Variants in IWS1 observed in about 807,000 individuals in gnomAD.
IWS1 encodes interacts with SUPT6H, CTD assembly factor 1, also known as protein IWS1 homolog.
IWS1 carries 27 observed loss-of-function variants against 86.7 expected under a neutral mutation model. The ratio of observed to expected loss-of-function variants is 0.31; its 90% CI spans 0.23 to 0.43. The LOEUF is 0.43. Ranked by LOEUF, IWS1 falls within the 20% of genes least tolerant of loss-of-function variation. The pLI is 1.00. For synonymous variants in IWS1, 313 were observed against 335.1 expected, an observed-to-expected ratio of 0.93 and a Z score of 0.72; for missense variants, 827 against 1,000.8, an observed-to-expected ratio of 0.83 and a Z score of 2.34.
intron 2 of IWS1, among the ~76,000 whole-genome samples, chr2:127,522,288 T>C (rs1043194639): frequency 2.6e-5 from 4 of 152,210 alleles, no homozygotes; most frequent in Non-Finnish European, 5.9e-5. Flanking sequence ...CTTCACACCT[T>C]GGTTCAAATG....
chr2:127,495,792 T>C (rs548195898), intron 7 of IWS1, among the ~76,000 whole-genome samples: 2 of 152,244 alleles, frequency 1.3e-5, no homozygotes, highest in Non-Finnish European at 2.9e-5. Context: ...ACGTTTCATT[T>C]TACTGAATAC....
chr2:127,522,751 C>T lies in IWS1; in HGVS notation c.150+925G>A, dbSNP rs115582518. 6.9e-3 allele frequency among the ~76,000 whole-genome samples: 1,053 copies of T among 152,254 alleles called. 8 individuals are homozygous for T. The highest frequency in any genetic ancestry group is 0.02 in the African/African-American group (838 of 41,530). On this transcript the variant is annotated intron_variant, in intron 2 of 13. Coordinates refer to ENST00000295321, the MANE Select transcript of IWS1 (RefSeq NM_017969.3). ...TTCAGTCGTATCTACCAAAGACTTA[C>T]GGCGAACTTATTGAAAAATTTCCCA...
At chr2:127,523,817 A>G in intron 1 of IWS1, 26 bp from the exon 2 acceptor site, 1 of 1,474,924 alleles carries the variant, frequency 6.8e-7, no homozygotes, top group South Asian at 1.2e-5. Context: ...ACAAAAACCA[A>G]CTTATGGTGT....
chr2:127,496,034 C>T lies in IWS1; in HGVS notation c.1680G>A (p.Val560=). The part of the protein sequence containing the change: ...GTFISDADDV[V]SAMIVKMNEA... Reference sequence around the variant, plus strand: ...CATTCATCTTGACGATCATGGCACTCACGACGTCGTCTGCATCACTAATAA... The same window carrying T: ...CATTCATCTTGACGATCATGGCACTTACGACGTCGTCTGCATCACTAATAA... The change falls in exon 7 of 14, where the codon GTG becomes GTA. Residue 560 remains valine, a synonymous_variant. Transcript: ENST00000295321. 1.2e-6 allele frequency: 2 copies of T among 1,613,694 alleles called. No homozygotes were observed. Among genetic ancestry groups the T allele is most frequent in the Admixed American group, 1.7e-5 (1 of 59,874 alleles).
At chr2:127,496,959 A>G (rs1217433172) in intron 6 of IWS1, among the ~76,000 whole-genome samples, 1 of 152,268 alleles carries the variant, frequency 6.6e-6, no homozygotes, top group Non-Finnish European at 1.5e-5. Flanking sequence ...ATTCAGTACA[A>G]TAACATGCTG....
At position 127,494,960 on chromosome 2, in the gene IWS1, C is replaced by T; in HGVS notation, c.1717-6G>A. On this transcript the variant is annotated splice_polypyrimidine_tract_variant and splice_region_variant and intron_variant, in intron 7 of 13. Transcript: ENST00000295321. ...TTGTTCAACTGTCTGTCTTCCTATT[C>T]AGAAAAAAAATAAAGATTTTTTTTT... The T allele has an allele frequency of 1.3e-6, 2 of 1,548,190 alleles. No homozygotes were observed. The highest frequency in any genetic ancestry group is 1.9e-5 in the Admixed American group (1 of 51,900).
At chr2:127,488,014 G>C (rs767202888) in intron 12 of IWS1, 2 of 152,280 alleles carry the variant, frequency 1.3e-5, no homozygotes, top group Non-Finnish European at 2.9e-5. Context: ...TTGCAATCGG[G>C]ATGCTGCCTG....
chr2:127,522,393 T>C (rs1399387364), intron 2 of IWS1, among the ~76,000 whole-genome samples: 2 of 151,882 alleles, frequency 1.3e-5, no homozygotes, highest in African/African-American at 4.8e-5. Context: ...TCACAGCATT[T>C]GTTATCTTCT....
intron 9 of IWS1, 33 bp downstream of exon 9, chr2:127,493,248 T>C: frequency 6.3e-7 from 1 of 1,587,600 alleles, no homozygotes. Context: ...ATTAGATAAT[T>C]AATAAAGAAC....
At chr2:127,484,570 C>T (rs1689825007) in intron 13 of IWS1, 1 of 152,230 alleles carries the variant, frequency 6.6e-6, no homozygotes. Flanking sequence ...CACAGGGACA[C>T]AGCCCTGGAA....
At chr2:127,523,641 G>A (rs772251601) in intron 2 of IWS1, 35 bp downstream of exon 2, 1 of 1,399,648 alleles carries the variant, frequency 7.1e-7, no homozygotes, top group Non-Finnish European at 1.0e-6. Context: ...GAACGCAAGG[G>A]AAAAGCCCTC....
In IWS1 at chr2:127,505,048, C is replaced by T. The variant is rs758104291; in HGVS notation, c.855G>A (p.Gln285=). ...DSESEDPPRN[Q]ASDSENEELP... ...GCTCCTCATTTTCCGAATCACTGGC[C>T]TGGTTCCTTGGGGGATCCTCACTTT... The change falls in exon 3 of 14, where the codon CAG becomes CAA. Residue 285 remains glutamine (Q), a synonymous_variant. Transcript: ENST00000295321. The surrounding 1 kb of genome is among the most constrained non-coding windows in gnomAD (Gnocchi z 5.0). 3.7e-5 allele frequency: 60 copies of T among 1,612,152 alleles called. No homozygotes were observed. The highest frequency in any genetic ancestry group is 4.9e-5 in the Non-Finnish European group (58 of 1,179,468).
intron 1 of IWS1, among the ~76,000 whole-genome samples, chr2:127,524,494 A>G (rs561247198): frequency 6.6e-6 from 1 of 152,210 alleles, no homozygotes; most frequent in African/African-American, 2.4e-5. Context: ...TAAAAAATAC[A>G]GAGTAAAATC....
intron 2 of IWS1, chr2:127,506,679 A>G (rs980964740): frequency 4.2e-5 from 7 of 168,434 alleles, no homozygotes; most frequent in African/African-American, 1.4e-4. Context: ...ATGATAACAA[A>G]ATTGAGGCTT....
chr2:127,503,020 G>A, intron 4 of IWS1, 148 bp from the exon 5 acceptor site: 1 of 584,680 alleles, frequency 1.7e-6, no homozygotes, highest in Non-Finnish European at 3.0e-6. Context: ...ATACACTCAT[G>A]TAACCAGCAC....
intron 5 of IWS1, 147 bp downstream of exon 5, chr2:127,502,668 T>A (rs1033107103): frequency 2.1e-6 from 1 of 470,590 alleles, no homozygotes; most frequent in African/African-American, 2.0e-5. Context: ...TTCATTTTAC[T>A]TCCTGAATCC....
intron 2 of IWS1, among the ~76,000 whole-genome samples, chr2:127,517,658 A>G (rs931903717): frequency 6.6e-6 from 1 of 152,218 alleles, no homozygotes; most frequent in Non-Finnish European, 1.5e-5. Context: ...TGTGGAAAAT[A>G]GTCTGGCAGT....
intron 1 of IWS1, among the ~76,000 whole-genome samples, chr2:127,524,044 ACAC>A (rs1361995703): frequency 6.6e-6 from 1 of 152,218 alleles, no homozygotes; most frequent in Non-Finnish European, 1.5e-5. Context: ...ACAACACTAA[ACAC>A]CAAGTCAACA....
intron 13 of IWS1, chr2:127,482,883 C>T (rs1467782633): frequency 2.0e-5 from 3 of 151,980 alleles, no homozygotes; most frequent in Non-Finnish European, 4.4e-5. Flanking sequence ...TTTACCAGAG[C>T]AAGGCCAAAA....
Sources: gnomAD v4.1 joint callset for allele counts (sites outside exome capture counted in the v4.1 genomes callset) on GRCh38, gnomAD v4.1.1 for gene constraint, Gnocchi (gnomAD v3.1) non-coding constraint, MANE v1.5 for transcripts, NCBI Gene and HGNC (gene_info 2026-07-23, HGNC 2026-07-21) for gene names.